Variants in STK38L observed in about 807,000 individuals in gnomAD.
STK38L encodes the protein serine/threonine-protein kinase 38-like.
Under a neutral mutation model 59.7 loss-of-function variants are expected in STK38L, and 28 were observed. The ratio of observed to expected loss-of-function variants is 0.47; its 90% CI spans 0.35 to 0.64. STK38L has a LOEUF of 0.64. Among genes scored for constraint, STK38L ranks in the 30% least tolerant of loss-of-function variants. STK38L has a pLI of 0.01. For missense variants in STK38L, 314 were observed against 555.8 expected (o/e 0.56, Z 4.37); for synonymous variants, 162 against 176.8 (o/e 0.92, Z 0.66).
chr12:27,317,826 CAT>C, intron 10 of STK38L, 68 bp from the exon 11 acceptor site: 1 of 1,575,798 alleles, frequency 6.3e-7, no homozygotes, highest in Non-Finnish European at 8.6e-7. Context: ...TCTTGTCGCA[CAT>C]GTTTGGTGGG....
chr12:27,296,566 T>C (rs1400505902), intron 1 of STK38L, among the ~76,000 whole-genome samples: 1 of 152,238 alleles, frequency 6.6e-6, no homozygotes, highest in Admixed American at 6.5e-5. Context: ...TGTATCTTCT[T>C]TACTTAAAGC....
At position 27,318,543 on chromosome 12, in the gene STK38L, G is replaced by A. The variant is rs946927890; in HGVS notation, c.1079+524G>A. On this transcript the variant is annotated intron_variant, in intron 11 of 13. Transcript: ENST00000389032. ...CAGAAGTTCTACTTCTAGGGATTTC[G>A]CTTATGCAGATAATCAGATACGTAT... Among the ~76,000 whole-genome samples the A allele has an allele frequency of 4.6e-5, 7 of 152,074 alleles. No individual in the cohort carries two copies. The East Asian group carries it at 9.6e-4, about 21-fold the overall frequency.
chr12:27,267,376 T>C (rs1591862511), intron 1 of STK38L, among the ~76,000 whole-genome samples: 1 of 151,768 alleles, frequency 6.6e-6, no homozygotes, highest in Non-Finnish European at 1.5e-5. Context: ...AAGCCAGGAG[T>C]TGGAGACCAG....
intron 12 of STK38L, 103 bp downstream of exon 12, chr12:27,319,526 CAT>C: frequency 4.1e-6 from 3 of 723,498 alleles, no homozygotes; most frequent in South Asian, 4.1e-5. Context: ...ACAAAAGTAA[CAT>C]ATAATGTCAT....
Position 27,315,270 on chromosome 12 carries a change from TC to T in STK38L, c.776-17del. ...AGCATTTTTCCCTCGTGATTACAATTCCATATTGTTGAAATTAGCATTTCAG... is the reference window on the plus strand; with the variant it reads ...AGCATTTTTCCCTCGTGATTACAATTCATATTGTTGAAATTAGCATTTCAG... On this transcript the variant is annotated intron_variant, in intron 8 of 13. Transcript: ENST00000389032. The T allele has an allele frequency of 6.2e-7, 1 of 1,613,276 alleles. No homozygotes were observed. Among genetic ancestry groups the T allele is most frequent in the South Asian group, 1.1e-5 (1 of 91,034 alleles).
chr12:27,282,530 G>GTT lies in STK38L; in HGVS notation c.-11-15171_-11-15170dup, dbSNP rs35322772. 2.0e-5 allele frequency among the ~76,000 whole-genome samples: 3 copies of GTT among 149,488 alleles called. No individual in the cohort carries two copies. The East Asian group carries it at 5.8e-4, about 29-fold the overall frequency. ...AAAGGAATGTATAAGCAAAACTAAA[G>GTT]TTTTTTTTTTAACCTTATCAAACTG... On this transcript the variant is annotated intron_variant, in intron 1 of 13. Coordinates refer to ENST00000389032, the MANE Select transcript of STK38L (RefSeq NM_015000.4).
At chr12:27,297,973 G>C (rs1565543452) in intron 2 of STK38L, 119 bp downstream of exon 2, 1 of 1,292,346 alleles carries the variant, frequency 7.7e-7, no homozygotes, top group African/African-American at 1.5e-5. Flanking sequence ...TGCTGTTTTT[G>C]AGTTTCCTGT....
At chr12:27,262,018 T>G (rs769726802) in intron 1 of STK38L, among the ~76,000 whole-genome samples, 1 of 152,258 alleles carries the variant, frequency 6.6e-6, no homozygotes, top group Non-Finnish European at 1.5e-5. Flanking sequence ...GCAGCAGATC[T>G]CTGGGTAAAC....
Position 27,314,759 on chromosome 12 carries a change from G to A in STK38L, c.672+101G>A. 3 of 1,307,132 alleles carry A rather than the reference G, an allele frequency of 2.3e-6. No individual in the cohort carries two copies. In the South Asian group the frequency reaches 4.6e-5, roughly 20 times the overall value. 81.0% of individuals were successfully genotyped at this position (1,307,132 alleles called of 1,614,324 possible). A position where few individuals can be genotyped will look rare whatever the true frequency, so the allele number is the denominator to read the frequency against. On this transcript the variant is annotated intron_variant, in intron 7 of 13. Coordinates refer to ENST00000389032, the MANE Select transcript of STK38L (RefSeq NM_015000.4). ...ATCAGCAACTGCAATTTAGAATATT[G>A]CTAAACAACATTATATGATAAGGTA...
intron 1 of STK38L, among the ~76,000 whole-genome samples, chr12:27,274,146 G>A (rs1017174861): frequency 3.3e-5 from 5 of 151,540 alleles, no homozygotes; most frequent in Non-Finnish European, 4.4e-5. Context: ...CCAGTTACTC[G>A]GGAAGCTGAG....
rs1008121413 is a variant in STK38L, at chr12:27,322,076, T to A, written c.1176-67T>A. 8.6e-6 allele frequency: 12 copies of A among 1,389,710 alleles called. No homozygotes were observed. The African/African-American group carries it at 1.6e-4, about 18-fold the overall frequency. The allele number at this position is 1,389,710 out of a possible 1,614,324, so 86.1% of individuals were successfully genotyped here. On this transcript the variant is annotated intron_variant, in intron 12 of 13. Transcript: ENST00000389032. ...TAGAATAGTATGCAGAATTTACAAG[T>A]AGAATTATTTGTTGGAAATTGAGAG...
chr12:27,254,025 A>G (rs1943034208), intron 1 of STK38L, among the ~76,000 whole-genome samples: 1 of 152,200 alleles, frequency 6.6e-6, no homozygotes, highest in Non-Finnish European at 1.5e-5. Flanking sequence ...GTGAAATTAA[A>G]CAGAAAAAGT....
intron 2 of STK38L, 94 bp from the exon 3 acceptor site, chr12:27,302,043 C>A: frequency 4.5e-6 from 4 of 888,904 alleles, no homozygotes; most frequent in Non-Finnish European, 6.5e-6. Flanking sequence ...GCCTAGCAAG[C>A]TGAAGTGGTT....
rs527346721 is a variant in STK38L at position 27,256,931 on chromosome 12, A to G, written c.-12+12599A>G. ...GTGGTTCCGTTTTACATCAAATAGA[A>G]TTGTCATAAAGGAACATAGGGCTTC... On this transcript the variant is annotated intron_variant, in intron 1 of 13. Coordinates refer to ENST00000389032, the MANE Select transcript of STK38L (RefSeq NM_015000.4). Among the ~76,000 whole-genome samples, 16 of 152,308 alleles carry G rather than the reference A, an allele frequency of 1.1e-4. No individual in the cohort carries two copies. The South Asian group carries it at 2.7e-3, about 26-fold the overall frequency.
At chr12:27,271,791 A>G (rs953585845) in intron 1 of STK38L, among the ~76,000 whole-genome samples, 21 of 152,102 alleles carry the variant, frequency 1.4e-4, no homozygotes, top group Admixed American at 5.2e-4. Context: ...CTTCCGCCTC[A>G]TGAGTTCAAG....
intron 1 of STK38L, among the ~76,000 whole-genome samples, chr12:27,285,067 A>G (rs1183266336): frequency 6.6e-6 from 1 of 152,190 alleles, no homozygotes; most frequent in African/African-American, 2.4e-5. Context: ...GCTCATAGCT[A>G]CTTAGGTCTT....
chr12:27,303,373 G>T (rs1242492508), intron 3 of STK38L, among the ~76,000 whole-genome samples: 3 of 152,002 alleles, frequency 2.0e-5, no homozygotes, highest in Non-Finnish European at 4.4e-5. Context: ...AGCAGCTTTA[G>T]GCCTCACTTC....
intron 1 of STK38L, among the ~76,000 whole-genome samples, chr12:27,282,074 A>C (rs1943672586): frequency 6.6e-6 from 1 of 152,198 alleles, no homozygotes; most frequent in Non-Finnish European, 1.5e-5. Flanking sequence ...AATTTTTAAA[A>C]AGAAATGATA....
At chr12:27,302,702 C>G (rs536377487) in intron 3 of STK38L, among the ~76,000 whole-genome samples, 2 of 152,072 alleles carry the variant, frequency 1.3e-5, no homozygotes, top group African/African-American at 4.8e-5. Context: ...TCCCTTATCT[C>G]GGGATATGGG....
Sources: gnomAD v4.1 joint callset for allele counts (sites outside exome capture counted in the v4.1 genomes callset) on GRCh38, gnomAD v4.1.1 for gene constraint, MANE v1.5 for transcripts, NCBI Gene and HGNC (gene_info 2026-07-23, HGNC 2026-07-21) for gene names.